Variants in GRM5 observed in about 807,000 individuals in gnomAD.
GRM5 encodes the protein glutamate metabotropic receptor 5.
In GRM5, 19 loss-of-function variants were observed where a neutral mutation model predicts 83.1. The observed-to-expected ratio is 0.23, with a 90% confidence interval of 0.16 to 0.34. The LOEUF (loss-of-function observed/expected upper bound fraction) is 0.34. Ranked by LOEUF, GRM5 falls within the 10% of genes least tolerant of loss-of-function variation. The pLI is 1.00. For missense variants in GRM5, 1,160 were observed against 1,588.3 expected, an observed-to-expected ratio of 0.73 and a Z score of 4.58; for synonymous variants, 675 against 633.6, an observed-to-expected ratio of 1.07 and a Z score of -0.98.
chr11:88,752,656 C>T (rs966629989), intron 3 of GRM5, among the ~76,000 whole-genome samples: 22 of 152,082 alleles, frequency 1.4e-4, no homozygotes, highest in Admixed American at 1.4e-3. Flanking sequence ...CAGTGCTAAG[C>T]AAAAAGGACA....
intron 3 of GRM5, among the ~76,000 whole-genome samples, chr11:88,660,297 T>C (rs1276640786): frequency 6.6e-6 from 1 of 152,210 alleles, no homozygotes; most frequent in Non-Finnish European, 1.5e-5. Context: ...AAGATTATTC[T>C]CTGATCACCT....
intron 2 of GRM5, among the ~76,000 whole-genome samples, chr11:89,035,393 G>A (rs1941360257): frequency 6.6e-6 from 1 of 151,844 alleles, no homozygotes; most frequent in Non-Finnish European, 1.5e-5. Flanking sequence ...AACAAAAATG[G>A]CACTCTAACT....
chr11:88,860,844 T>G (rs1944549643), intron 2 of GRM5, among the ~76,000 whole-genome samples: 1 of 152,188 alleles, frequency 6.6e-6, no homozygotes, highest in African/African-American at 2.4e-5. Flanking sequence ...GTAACTATGC[T>G]GTGTTCAGGC....
intron 4 of GRM5, among the ~76,000 whole-genome samples, chr11:88,616,389 G>GTTTTTT (rs68153026): frequency 3.1e-5 from 3 of 95,776 alleles, no homozygotes; most frequent in African/African-American, 7.5e-5. Flanking sequence ...GCTTTGGAGT[G>GTTTTTT]TTTTTTTTTT....
At chr11:88,939,272 C>T (rs745492206) in intron 2 of GRM5, among the ~76,000 whole-genome samples, 17 of 151,600 alleles carry the variant, frequency 1.1e-4, no homozygotes, top group Admixed American at 3.3e-4. Flanking sequence ...AACTTTGGTA[C>T]CCGGTGTGCT....
At chr11:88,877,453 G>T (rs1944874412) in intron 2 of GRM5, among the ~76,000 whole-genome samples, 1 of 152,046 alleles carries the variant, frequency 6.6e-6, no homozygotes, top group Non-Finnish European at 1.5e-5. Context: ...TTGGGGAAGA[G>T]AAATATTTAT....
intron 3 of GRM5, among the ~76,000 whole-genome samples, chr11:88,829,853 A>G (rs1397825201): frequency 1.3e-5 from 2 of 152,124 alleles, no homozygotes; most frequent in Admixed American, 6.5e-5. Context: ...ATTATGTACA[A>G]GCAAAAAACG....
In GRM5 at chr11:88,509,512, G is replaced by A; in HGVS notation, c.2727-8C>T. ...ACGGATTTTCCATTGGAACTGAGGA[G>A]AGAAGGGAGAGGAAAGGTGACTCAG... On this transcript the variant is annotated splice_polypyrimidine_tract_variant and splice_region_variant and intron_variant, in intron 9 of 9. Transcript: ENST00000305447. 6 of 1,605,388 alleles carry A rather than the reference G, an allele frequency of 3.7e-6. No homozygotes were observed. Among genetic ancestry groups the A allele is most frequent in the South Asian group, 1.1e-5 (1 of 90,206 alleles).
chr11:88,522,050 G>T (rs538212201), intron 9 of GRM5, among the ~76,000 whole-genome samples: 2 of 152,202 alleles, frequency 1.3e-5, no homozygotes, highest in South Asian at 2.1e-4. Context: ...TGACACTCTC[G>T]GTTTTCTGTG....
At chr11:89,023,140 A>AGTGTGTGTGT (rs61343398) in intron 2 of GRM5, among the ~76,000 whole-genome samples, 7 of 146,740 alleles carry the variant, frequency 4.8e-5, no homozygotes, top group African/African-American at 1.6e-4. Context: ...ATATGCAAAG[A>AGTGTGTGTGT]GTGTGTGTGT....
At chr11:88,676,398 A>G (rs1940329765) in intron 3 of GRM5, among the ~76,000 whole-genome samples, 1 of 151,866 alleles carries the variant, frequency 6.6e-6, no homozygotes, top group African/African-American at 2.4e-5. Context: ...TTCTTTATTC[A>G]CCTCTACCTC....
intron 2 of GRM5, among the ~76,000 whole-genome samples, chr11:88,951,557 T>C (rs1938464868): frequency 6.6e-6 from 1 of 152,218 alleles, no homozygotes; most frequent in African/African-American, 2.4e-5. Flanking sequence ...TTCCCTTGGG[T>C]TGACAGTTCA....
chr11:88,843,128 A>T (rs1354478119), intron 3 of GRM5, among the ~76,000 whole-genome samples: 1 of 152,106 alleles, frequency 6.6e-6, no homozygotes, highest in Non-Finnish European at 1.5e-5. Context: ...GTTTGTGGCA[A>T]CTCTGTCCTA....
intron 2 of GRM5, among the ~76,000 whole-genome samples, chr11:88,996,707 C>T (rs562371446): frequency 9.2e-5 from 14 of 152,240 alleles, no homozygotes; most frequent in East Asian, 7.7e-4. Flanking sequence ...GAGAAGAATA[C>T]GTTCTTCTTT....
At chr11:88,885,791 T>A (rs1433151855) in intron 2 of GRM5, among the ~76,000 whole-genome samples, 1 of 152,062 alleles carries the variant, frequency 6.6e-6, no homozygotes, top group South Asian at 2.1e-4. Context: ...CCCCAAATCA[T>A]TTACTAACAA....
chr11:88,618,901 C>A lies in GRM5; in HGVS notation c.1148-13937G>T, dbSNP rs79407006. ...CTAGCCATGAGGTTCTGTACTAAGC[C>A]GACTTGACTTGCCAGGTGCTCTCTG... On this transcript the variant is annotated intron_variant, in intron 4 of 9. Transcript: ENST00000305447. Among the ~76,000 whole-genome samples the A allele has an allele frequency of 2.8e-3, 423 of 152,212 alleles. 1 individual carries two copies. Among genetic ancestry groups the A allele is most frequent in the Non-Finnish European group, 4.7e-3 (321 of 68,008 alleles).
At chr11:88,922,797 A>G (rs969535436) in intron 2 of GRM5, among the ~76,000 whole-genome samples, 5 of 152,180 alleles carry the variant, frequency 3.3e-5, no homozygotes, top group Non-Finnish European at 7.4e-5. Context: ...GACAACCCAT[A>G]GAATGGGAAA....
chr11:88,869,090 G>C (rs1944719559), intron 2 of GRM5, among the ~76,000 whole-genome samples: 1 of 151,700 alleles, frequency 6.6e-6, no homozygotes, highest in Admixed American at 6.6e-5. Context: ...CACAGGAATA[G>C]CAAGTTTTGC....
At chr11:88,719,772 G>A (rs1336880927) in intron 3 of GRM5, among the ~76,000 whole-genome samples, 1 of 151,940 alleles carries the variant, frequency 6.6e-6, no homozygotes, top group East Asian at 1.9e-4. Context: ...GGCATGAGAT[G>A]GTATCTCATT....
Sources: gnomAD v4.1 joint callset for allele counts (sites outside exome capture counted in the v4.1 genomes callset) on GRCh38, gnomAD v4.1.1 for gene constraint, MANE v1.5 for transcripts, NCBI Gene and HGNC (gene_info 2026-07-23, HGNC 2026-07-21) for gene names.